The following STX16 variants were observed in gnomAD, a reference collection of about 807,000 sequenced individuals.
The protein encoded by STX16 is syntaxin-16.
In STX16, 28 loss-of-function variants were observed where a neutral mutation model predicts 42.7. The ratio of observed to expected loss-of-function variants is 0.66; its 90% CI spans 0.49 to 0.90. The LOEUF is 0.90. STX16 is among the 40% of genes least tolerant of loss of function. STX16 has a pLI of 0.00. For synonymous variants in STX16, 156 were observed against 155.2 expected (o/e 1.00, Z -0.04); for missense variants, 361 against 420.9 (o/e 0.86, Z 1.24).
chr20:58,675,157 C>T (rs1028066169), intron 8 of STX16, among the ~76,000 whole-genome samples: 5 of 152,092 alleles, frequency 3.3e-5, no homozygotes, highest in Non-Finnish European at 4.4e-5. Flanking sequence ...TCCCCATGAC[C>T]GGACTCTCGG....
In STX16 at chr20:58,677,887, A is replaced by G. The variant is rs915789590; in HGVS notation, c.*1596A>G. The stretch of plus-strand genomic sequence containing the variant: ...GGTAGCCATTGGTGGTTTTCCTATT[A>G]CTGATGTGGCTGTGGAATGATAAGG... On this transcript the variant is annotated 3_prime_UTR_variant, in exon 9 of 9. Coordinates refer to ENST00000371141, the MANE Select transcript of STX16 (RefSeq NM_001001433.3). The G allele has an allele frequency of 2.0e-5, 3 of 152,198 alleles. No homozygotes were observed. Among genetic ancestry groups the G allele is most frequent in the African/African-American group, 7.2e-5 (3 of 41,418 alleles). The allele number at this position is 152,198 out of a possible 1,614,324, so 9.4% of individuals were successfully genotyped here.
At chr20:58,668,975 C>T (rs1293322382) in intron 4 of STX16, among the ~76,000 whole-genome samples, 1 of 152,090 alleles carries the variant, frequency 6.6e-6, no homozygotes, top group Non-Finnish European at 1.5e-5. Context: ...TGCAAATATT[C>T]CAAAATCTCC....
At chr20:58,668,930 A>G (rs1489684730) in intron 4 of STX16, among the ~76,000 whole-genome samples, 1 of 152,188 alleles carries the variant, frequency 6.6e-6, no homozygotes, top group Non-Finnish European at 1.5e-5. Flanking sequence ...TGGATTTCGA[A>G]TTTTCAGATT....
intron 1 of STX16, among the ~76,000 whole-genome samples, chr20:58,655,300 C>CACCT (rs1197248023): frequency 6.6e-6 from 1 of 152,136 alleles, no homozygotes; most frequent in African/African-American, 2.4e-5. Flanking sequence ...AAGCAAAGCA[C>CACCT]ACCTAAAGCC....
intron 1 of STX16, among the ~76,000 whole-genome samples, chr20:58,655,052 G>A (rs1197123410): frequency 6.6e-6 from 1 of 152,146 alleles, no homozygotes; most frequent in East Asian, 1.9e-4. Flanking sequence ...CAGGCAATTT[G>A]AAAGGAAGAA....
Position 58,676,849 on chromosome 20 carries a change from T to C in STX16, c.*558T>C, listed in dbSNP as rs1192979707. ...TAATCCGTTCCCCATTAACTTAATT[T>C]AGCTTTTCCATCACTGTTAATGATC... is the stretch of plus-strand genomic sequence containing the variant. On this transcript the variant is annotated 3_prime_UTR_variant, in exon 9 of 9. Coordinates refer to ENST00000371141, the MANE Select transcript of STX16 (RefSeq NM_001001433.3). 1 of 152,710 alleles carries C rather than the reference T, an allele frequency of 6.5e-6. No homozygotes were observed. The highest frequency in any genetic ancestry group is 1.5e-5 in the Non-Finnish European group (1 of 68,068). The allele number at this position is 152,710 out of a possible 1,614,324, so 9.5% of individuals were successfully genotyped here.
At chr20:58,670,663 A>G (rs1178849507) in intron 6 of STX16, 60 bp downstream of exon 6, 8 of 1,313,068 alleles carry the variant, frequency 6.1e-6, no homozygotes, top group Non-Finnish European at 8.8e-6. Flanking sequence ...TGCATCTTTC[A>G]CCTCCTAGAC....
intron 5 of STX16, among the ~76,000 whole-genome samples, chr20:58,669,816 GT>G (rs1444422847): frequency 6.6e-6 from 1 of 152,186 alleles, no homozygotes; most frequent in African/African-American, 2.4e-5. Context: ...GTAAAAAGCA[GT>G]TGTTATTACT....
At position 58,667,476 on chromosome 20, in the gene STX16, T is replaced by C. The variant is rs1390840569; in HGVS notation, c.145-14T>C. 5 of 1,611,940 alleles carry C rather than the reference T, an allele frequency of 3.1e-6. No homozygotes were observed. In the South Asian group the frequency reaches 5.5e-5, roughly 18 times the overall value. Reference sequence around the variant, plus strand: ...TTAGAATAATTTTTTTCATGTCCCTTTACTTTCCTGTAGCTTGCTGATGAC... The same window carrying C: ...TTAGAATAATTTTTTTCATGTCCCTCTACTTTCCTGTAGCTTGCTGATGAC... On this transcript the variant is annotated splice_polypyrimidine_tract_variant and intron_variant, in intron 2 of 8. Coordinates refer to ENST00000371141, the MANE Select transcript of STX16 (RefSeq NM_001001433.3).
rs958860545 is a variant in STX16, at chr20:58,676,790, T to C, written c.*499T>C. ...TCATCTTTCTCTATATATTTTCCAG[T>C]TGAAAACAAACTAAGAAGTCCTTTA... On this transcript the variant is annotated 3_prime_UTR_variant, in exon 9 of 9. Transcript: ENST00000371141. 6.6e-6 allele frequency: 1 copy of C among 152,664 alleles called. No homozygotes were observed. Among genetic ancestry groups the C allele is most frequent in the African/African-American group, 2.4e-5 (1 of 41,448 alleles). 9.5% of individuals were successfully genotyped at this position (152,664 alleles called of 1,614,324 possible).
Position 58,651,920 on chromosome 20 carries a change from C to A in STX16, c.-87C>A. 2 of 1,448,304 alleles carry A rather than the reference C, an allele frequency of 1.4e-6. No individual in the cohort carries two copies. Among genetic ancestry groups the A allele is most frequent in the Non-Finnish European group, 9.6e-7 (1 of 1,046,994 alleles). 89.7% of individuals were successfully genotyped at this position (1,448,304 alleles called of 1,614,324 possible). A position where few individuals can be genotyped will look rare whatever the true frequency, so the allele number is the denominator to read the frequency against. On this transcript the variant is annotated 5_prime_UTR_variant, in exon 1 of 9. Coordinates refer to ENST00000371141, the MANE Select transcript of STX16 (RefSeq NM_001001433.3). ...CGAGAAGCTTCCGTGAAAGGGTGGG[C>A]CAGCCGGGCCACGAGAAAGAAAGTG...
intron 2 of STX16, 50 bp downstream of exon 2, chr20:58,659,684 A>G: frequency 6.3e-7 from 1 of 1,596,434 alleles, no homozygotes; most frequent in East Asian, 2.2e-5. Context: ...AGTTTATAAA[A>G]TACCTACTTT....
intron 8 of STX16, among the ~76,000 whole-genome samples, chr20:58,674,466 A>T (rs757349197): frequency 6.6e-5 from 10 of 152,222 alleles, no homozygotes; most frequent in African/African-American, 9.6e-5. Flanking sequence ...TTTGAGACCC[A>T]GTGGAGTTTC....
chr20:58,658,351 A>G (rs919882769), intron 1 of STX16, among the ~76,000 whole-genome samples: 4 of 152,246 alleles, frequency 2.6e-5, no homozygotes, highest in African/African-American at 9.6e-5. Context: ...AGTAAAAGGT[A>G]ATTAAATCAG....
chr20:58,652,357 C>T (rs1354952514), intron 1 of STX16: 1 of 672,562 alleles, frequency 1.5e-6, no homozygotes, highest in African/African-American at 1.8e-5. Context: ...CGGTCTTCTC[C>T]TCACTTCCGC....
chr20:58,672,247 G>T (rs1171701303), intron 7 of STX16, among the ~76,000 whole-genome samples: 1 of 152,166 alleles, frequency 6.6e-6, no homozygotes, highest in African/African-American at 2.4e-5. Context: ...CAGGAGGATC[G>T]CTTGAACCTG....
At chr20:58,669,928 A>AC (rs2083929943) in intron 5 of STX16, among the ~76,000 whole-genome samples, 1 of 152,168 alleles carries the variant, frequency 6.6e-6, no homozygotes, top group African/African-American at 2.4e-5. Context: ...CACAGGTTTC[A>AC]CCCAGCAGAC....
At chr20:58,672,326 C>CT (rs2083999661) in intron 7 of STX16, among the ~76,000 whole-genome samples, 1 of 151,794 alleles carries the variant, frequency 6.6e-6, no homozygotes, top group Non-Finnish European at 1.5e-5. Flanking sequence ...GAGTGAAACT[C>CT]TGTCTCAAAA....
intron 7 of STX16, 62 bp downstream of exon 7, chr20:58,671,359 T>C: frequency 6.6e-7 from 1 of 1,514,454 alleles, no homozygotes; most frequent in Non-Finnish European, 8.9e-7. Context: ...ACCTTCTTTT[T>C]CCTGTACTCC....
Sources: gnomAD v4.1 joint callset for allele counts (sites outside exome capture counted in the v4.1 genomes callset) on GRCh38, gnomAD v4.1.1 for gene constraint, MANE v1.5 for transcripts, NCBI Gene and HGNC (gene_info 2026-07-23, HGNC 2026-07-21) for gene names.